CARMIL1: variants seen among roughly 807,000 people sequenced by gnomAD.
CARMIL1 encodes capping protein regulator and myosin 1 linker 1.
A neutral mutation model predicts 177.1 loss-of-function variants in CARMIL1; 90 were observed. The observed-to-expected ratio is 0.51, with a 90% CI of 0.43 to 0.61. The LOEUF is 0.61. Among genes scored for constraint, CARMIL1 ranks in the 20% least tolerant of loss-of-function variants. The pLI, the probability that CARMIL1 is intolerant of heterozygous loss-of-function variation, is 0.00. For missense variants in CARMIL1, 1,380 were observed against 1,667.0 expected, an observed-to-expected ratio of 0.83 and a Z score of 3.00; for synonymous variants, 577 against 606.2, an observed-to-expected ratio of 0.95 and a Z score of 0.71.
intron 2 of CARMIL1, among the ~76,000 whole-genome samples, chr6:25,403,509 C>A (rs1352173354): frequency 6.6e-6 from 1 of 152,172 alleles, no homozygotes; most frequent in Non-Finnish European, 1.5e-5. Context: ...GCTCACCTCA[C>A]CCCCACCTTA....
intron 29 of CARMIL1, 71 bp downstream of exon 29, chr6:25,556,921 T>TTTTAA (rs1554223600): frequency 1.4e-4 from 189 of 1,354,796 alleles, no homozygotes; most frequent in Middle Eastern, 3.8e-4. Flanking sequence ...TTTTTTTTTT[T>TTTTAA]AAATCTCACC....
chr6:25,344,316 C>T (rs1332414874), intron 2 of CARMIL1, among the ~76,000 whole-genome samples: 1 of 152,138 alleles, frequency 6.6e-6, no homozygotes, highest in Non-Finnish European at 1.5e-5. Flanking sequence ...CCCATGTCCT[C>T]ACTTCTCCCC....
At chr6:25,466,200 T>G (rs1212471224) in intron 9 of CARMIL1, among the ~76,000 whole-genome samples, 2 of 152,206 alleles carry the variant, frequency 1.3e-5, no homozygotes, top group Non-Finnish European at 2.9e-5. Context: ...ATACATTTAG[T>G]GTAGCCTTTA....
At chr6:25,487,295 T>C (rs1802760037) in intron 12 of CARMIL1, among the ~76,000 whole-genome samples, 1 of 152,166 alleles carries the variant, frequency 6.6e-6, no homozygotes, top group African/African-American at 2.4e-5. Context: ...ATCCTGCTGC[T>C]ATGACCAGAA....
In CARMIL1 at chr6:25,332,742, TACACAC is replaced by T. The variant is rs35133749; in HGVS notation, c.138+47858_138+47863del. On this transcript the variant is annotated intron_variant, in intron 2 of 36. Transcript: ENST00000329474. ...GCACCACCCACCATGCAAACATGCA[TACACAC>T]ACACACACACACACACACACACACG... 2.1e-3 allele frequency among the ~76,000 whole-genome samples: 290 copies of T among 140,178 alleles called. 2 individuals are homozygous for T. The highest frequency in any genetic ancestry group is 3.2e-3 in the Non-Finnish European group (207 of 64,846). The allele number at this position is 140,178 out of a possible 152,430, so 92.0% of individuals were successfully genotyped here.
chr6:25,336,099 G>GA (rs1288584292), intron 2 of CARMIL1, among the ~76,000 whole-genome samples: 29 of 151,584 alleles, frequency 1.9e-4, no homozygotes, highest in African/African-American at 4.9e-4. Context: ...ATTTCCAGGA[G>GA]AAAAAAAATA....
chr6:25,447,708 G>C (rs1248078171), intron 5 of CARMIL1, among the ~76,000 whole-genome samples: 1 of 151,772 alleles, frequency 6.6e-6, no homozygotes, highest in Non-Finnish European at 1.5e-5. Context: ...TTATTCCATG[G>C]TGAAAAAACA....
At chr6:25,533,095 T>C (rs1054311782) in intron 24 of CARMIL1, among the ~76,000 whole-genome samples, 1 of 152,202 alleles carries the variant, frequency 6.6e-6, no homozygotes, top group African/African-American at 2.4e-5. Flanking sequence ...TAGAGCTATT[T>C]GCTCGTTATA....
At chr6:25,346,139 G>C (rs1019226418) in intron 2 of CARMIL1, among the ~76,000 whole-genome samples, 1 of 144,742 alleles carries the variant, frequency 6.9e-6, no homozygotes, top group Admixed American at 7.0e-5. Flanking sequence ...TGCAGATTAC[G>C]TCACTCTTCT....
chr6:25,337,576 G>A (rs1786394304), intron 2 of CARMIL1, among the ~76,000 whole-genome samples: 1 of 152,176 alleles, frequency 6.6e-6, no homozygotes, highest in Non-Finnish European at 1.5e-5. Context: ...TGGCATCATT[G>A]ACTTCTGAAC....
At position 25,435,434 on chromosome 6, in the gene CARMIL1, C is replaced by T. The variant is rs956712948; in HGVS notation, c.250-49C>T. 157 of 1,522,864 alleles carry T rather than the reference C, an allele frequency of 1.0e-4. 1 individual carries two copies. Among genetic ancestry groups the T allele is most frequent in the Middle Eastern group, 3.4e-4 (2 of 5,850 alleles). The allele number at this position is 1,522,864 out of a possible 1,614,324, so 94.3% of individuals were successfully genotyped here. On this transcript the variant is annotated intron_variant, in intron 4 of 36. Transcript: ENST00000329474. Reference sequence around the variant, plus strand: ...TTACAATATTTAAAATAATTAAAAACGGAAGGAATTGGACTCATTCTTAAG... The same window carrying T: ...TTACAATATTTAAAATAATTAAAAATGGAAGGAATTGGACTCATTCTTAAG...
chr6:25,500,507 C>T (rs1804204109), intron 17 of CARMIL1, among the ~76,000 whole-genome samples: 2 of 151,970 alleles, frequency 1.3e-5, no homozygotes. Context: ...TATGATGAAG[C>T]CTTGAGGTAT....
intron 5 of CARMIL1, among the ~76,000 whole-genome samples, chr6:25,439,296 C>T (rs141532111): frequency 4.6e-5 from 7 of 152,296 alleles, no homozygotes; most frequent in African/African-American, 1.7e-4. Flanking sequence ...CTAGGTGAGG[C>T]TATCAGGTAG....
Position 25,491,772 on chromosome 6 carries a change from A to G in CARMIL1, c.1106A>G (p.His369Arg). 1.9e-6 allele frequency: 3 copies of G among 1,601,448 alleles called. No homozygotes were observed. The highest frequency in any genetic ancestry group is 2.6e-6 in the Non-Finnish European group (3 of 1,173,450). Residue 369 changes from histidine (H) to arginine (R), a missense_variant, in exon 14 of 37, where the codon CAT (histidine) becomes CGT (arginine). Physicochemically the swap from His to Arg is conservative, Grantham distance 29. Transcript: ENST00000329474. ...NFLAQPNAIV[H>R]LDLSNTECSL... ...TTGGCCCAGCCAAATGCCATTGTTC[A>G]TCTGGATTTATCCAATACAGAATGT...
Position 25,554,275 on chromosome 6 carries a change from G to T in CARMIL1, c.2592+179G>T, listed in dbSNP as rs759166863. Among the ~76,000 whole-genome samples, 79 of 152,176 alleles carry T rather than the reference G, an allele frequency of 5.2e-4. No individual in the cohort carries two copies. The highest frequency in any genetic ancestry group is 1.2e-4 in the Non-Finnish European group (8 of 68,026). On this transcript the variant is annotated intron_variant, in intron 28 of 36. Coordinates refer to ENST00000329474, the MANE Select transcript of CARMIL1 (RefSeq NM_017640.6). The surrounding 1 kb of genome is among the most constrained non-coding windows in gnomAD (Gnocchi z 4.6). ...GTTGCTTCTAGCCATTCTGGAGCAT[G>T]TTAGAACTTCTCCAGAGGGAATGAT... is the stretch of plus-strand genomic sequence containing the variant.
intron 2 of CARMIL1, among the ~76,000 whole-genome samples, chr6:25,311,920 G>T (rs1396004929): frequency 6.6e-6 from 1 of 152,218 alleles, no homozygotes; most frequent in Non-Finnish European, 1.5e-5. Context: ...TTAGCCGCCT[G>T]TCAAACTGCT....
chr6:25,402,366 T>C (rs1793964811), intron 2 of CARMIL1, among the ~76,000 whole-genome samples: 1 of 152,186 alleles, frequency 6.6e-6, no homozygotes, highest in Admixed American at 6.5e-5. Context: ...GATATTGGAA[T>C]TGCATGCAAA....
chr6:25,297,549 C>T (rs1782515116), intron 2 of CARMIL1, among the ~76,000 whole-genome samples: 2 of 152,296 alleles, frequency 1.3e-5, no homozygotes, highest in Non-Finnish European at 1.5e-5. Flanking sequence ...AGCCTGGATG[C>T]GAGAAGTTGG....
At position 25,284,844 on chromosome 6, in the gene CARMIL1, A is replaced by G. The variant is rs1404815034; in HGVS notation, c.73A>G (p.Lys25Glu). ...SIKDVIGRKI[K>E]ISVKKKVKLE... Reference sequence around the variant, plus strand: ...AAAGGATGTTATTGGCAGAAAGATAAAAATTTCAGTGAAGAAGAAAGTAAA... The same window carrying G: ...AAAGGATGTTATTGGCAGAAAGATAGAAATTTCAGTGAAGAAGAAAGTAAA... The change falls in exon 2 of 37, where the codon AAA becomes GAA. Residue 25 changes from lysine (K) to glutamate (E), a missense_variant. Transcript: ENST00000329474. 5 of 1,570,034 alleles carry G rather than the reference A, an allele frequency of 3.2e-6. No homozygotes were observed. The highest frequency in any genetic ancestry group is 4.3e-6 in the Non-Finnish European group (5 of 1,155,242).
Sources: gnomAD v4.1 joint callset for allele counts (sites outside exome capture counted in the v4.1 genomes callset) on GRCh38, gnomAD v4.1.1 for gene constraint, Gnocchi (gnomAD v3.1) non-coding constraint, MANE v1.5 for transcripts, NCBI Gene and HGNC (gene_info 2026-07-23, HGNC 2026-07-21) for gene names.